CEP63: variants seen among roughly 807,000 people sequenced by gnomAD.
CEP63 encodes centrosomal protein of 63 kDa.
Under a neutral mutation model 89.1 loss-of-function variants are expected in CEP63, and 84 were observed. The ratio of observed to expected loss-of-function variants is 0.94; its 90% CI spans 0.79 to 1.13. The LOEUF is 1.13. CEP63 is among the 50% of genes most tolerant of loss of function. The pLI, the probability that CEP63 is intolerant of heterozygous loss-of-function variation, is 0.00. For missense variants in CEP63, 838 were observed against 813.3 expected (o/e 1.03, Z -0.37); for synonymous variants, 267 against 272.5 (o/e 0.98, Z 0.20).
intron 11 of CEP63, among the ~76,000 whole-genome samples, chr3:134,550,742 G>GT (rs1332123386): frequency 6.6e-6 from 1 of 152,204 alleles, no homozygotes; most frequent in Non-Finnish European, 1.5e-5. Context: ...ACGTAAAGGA[G>GT]TTATACTGTG....
chr3:134,753,343 C>G, the CEP63 span, among the ~76,000 whole-genome samples: 1 of 152,210 alleles, frequency 6.6e-6, no homozygotes, highest in Non-Finnish European at 1.5e-5. Context: ...TCAGTGCCTG[C>G]CTCCATGGGG....
chr3:134,524,098 T>C (rs917259193), intron 3 of CEP63, among the ~76,000 whole-genome samples: 1 of 152,128 alleles, frequency 6.6e-6, no homozygotes, highest in African/African-American at 2.4e-5. Context: ...TATAGATTTT[T>C]CACCTCCCTG....
chr3:134,744,007 A>G, the CEP63 span, among the ~76,000 whole-genome samples: 3 of 152,100 alleles, frequency 2.0e-5, no homozygotes, highest in African/African-American at 7.2e-5. Context: ...ATGCTGAACT[A>G]CTAATCTGCA....
the CEP63 span, among the ~76,000 whole-genome samples, chr3:134,664,907 G>T: frequency 1.6e-4 from 25 of 152,302 alleles, no homozygotes; most frequent in South Asian, 1.7e-3. Flanking sequence ...CTATCCCCCA[G>T]TGAAGATATT....
chr3:134,692,587 G>A, the CEP63 span, among the ~76,000 whole-genome samples: 1 of 152,210 alleles, frequency 6.6e-6, no homozygotes, highest in Non-Finnish European at 1.5e-5. Context: ...AGAAAAGAGA[G>A]TAAAATAGGC....
At chr3:134,673,408 C>G in the CEP63 span, among the ~76,000 whole-genome samples, 1 of 151,844 alleles carries the variant, frequency 6.6e-6, no homozygotes, top group Admixed American at 6.5e-5. Flanking sequence ...CTTTTGGCCT[C>G]TCTTCCTTCC....
the CEP63 span, among the ~76,000 whole-genome samples, chr3:134,609,285 G>A: frequency 3.9e-5 from 6 of 152,324 alleles, no homozygotes; most frequent in South Asian, 6.2e-4. Flanking sequence ...CTCCAGGGCC[G>A]ACTGGAGTGC....
chr3:134,542,755 A>G (rs897402855), intron 6 of CEP63, among the ~76,000 whole-genome samples: 1 of 152,110 alleles, frequency 6.6e-6, no homozygotes, highest in African/African-American at 2.4e-5. Flanking sequence ...AGCTGGCCAC[A>G]CTGGCCTTTT....
chr3:134,506,381 G>A (rs1376551147), intron 2 of CEP63, among the ~76,000 whole-genome samples: 1 of 152,180 alleles, frequency 6.6e-6, no homozygotes, highest in African/African-American at 2.4e-5. Context: ...ATGATAGTCT[G>A]CTTTCTTCCA....
the CEP63 span, among the ~76,000 whole-genome samples, chr3:134,624,237 A>G: frequency 2.0e-5 from 3 of 152,234 alleles, no homozygotes; most frequent in South Asian, 6.2e-4. Flanking sequence ...CCCCTAGCTC[A>G]GGATTGGCCT....
At chr3:134,677,458 A>T in the CEP63 span, among the ~76,000 whole-genome samples, 1 of 151,970 alleles carries the variant, frequency 6.6e-6, no homozygotes, top group Non-Finnish European at 1.5e-5. Context: ...GTGCACCTTC[A>T]TGGTCCTCTT....
the CEP63 span, among the ~76,000 whole-genome samples, chr3:134,650,367 G>T: frequency 6.6e-6 from 1 of 152,128 alleles, no homozygotes; most frequent in African/African-American, 2.4e-5. Flanking sequence ...ATTGTGCAAG[G>T]CCACACAGGG....
chr3:134,582,965 C>T (rs2110334901), intron 10 of CEP63, among the ~76,000 whole-genome samples: 1 of 152,326 alleles, frequency 6.6e-6, no homozygotes, highest in Admixed American at 6.5e-5. Flanking sequence ...CTTTTGGCTG[C>T]ATAAATGTCT....
the CEP63 span, among the ~76,000 whole-genome samples, chr3:134,605,229 A>C: frequency 6.6e-6 from 1 of 152,064 alleles, no homozygotes; most frequent in Non-Finnish European, 1.5e-5. Flanking sequence ...ATGAGGACCC[A>C]CCTGCCTGGT....
the CEP63 span, among the ~76,000 whole-genome samples, chr3:134,621,057 A>G: frequency 6.6e-6 from 1 of 152,194 alleles, no homozygotes; most frequent in Non-Finnish European, 1.5e-5. Context: ...TGACCAGCTC[A>G]ATCACAGGCC....
In CEP63 at chr3:134,562,263, G is replaced by T; in HGVS notation, c.*728G>T. The T allele has an allele frequency of 1.0e-6, 1 of 974,050 alleles. No individual in the cohort carries two copies. Among genetic ancestry groups the T allele is most frequent in the Non-Finnish European group, 1.2e-6 (1 of 819,304 alleles). The allele number at this position is 974,050 out of a possible 1,614,324, so 60.3% of individuals were successfully genotyped here. A position where few individuals can be genotyped will look rare whatever the true frequency, so the allele number is the denominator to read the frequency against. On this transcript the variant is annotated 3_prime_UTR_variant, in exon 15 of 15. Transcript: ENST00000675561. ...AAGATCTGGATGTTGATGTGCCGCAGGCATTTGAAACGATGGGAGTTGATA... is the reference window on the plus strand; with the variant it reads ...AAGATCTGGATGTTGATGTGCCGCATGCATTTGAAACGATGGGAGTTGATA...
At chr3:134,701,138 C>T in the CEP63 span, among the ~76,000 whole-genome samples, 4 of 150,080 alleles carry the variant, frequency 2.7e-5, no homozygotes, top group African/African-American at 9.9e-5. Context: ...CATACAGTGC[C>T]CCAACATATA....
rs116793561 is a variant in CEP63, at chr3:134,507,063, C to T, written c.45-46C>T. ...TTTACATGAAAAAGATGAAAAGCCA[C>T]TTGAACATATCTTCTGTTTTTTTAA... On this transcript the variant is annotated intron_variant, in intron 2 of 14. Coordinates refer to ENST00000675561, the MANE Select transcript of CEP63 (RefSeq NM_001353108.3). 7.3e-4 allele frequency: 1,100 copies of T among 1,506,352 alleles called. 11 individuals carry two copies. In the African/African-American group the frequency reaches 0.013, roughly 18 times the overall value. The allele number at this position is 1,506,352 out of a possible 1,614,324, so 93.3% of individuals were successfully genotyped here.
chr3:134,747,708 AG>A, the CEP63 span, among the ~76,000 whole-genome samples: 1 of 152,154 alleles, frequency 6.6e-6, no homozygotes, highest in African/African-American at 2.4e-5. Context: ...TCTGGAAGAA[AG>A]GGGGGGAGAG....
Sources: gnomAD v4.1 joint callset for allele counts (sites outside exome capture counted in the v4.1 genomes callset) on GRCh38, gnomAD v4.1.1 for gene constraint, MANE v1.5 for transcripts, NCBI Gene and HGNC (gene_info 2026-07-23, HGNC 2026-07-21) for gene names.